USP31: variants seen among roughly 807,000 people sequenced by gnomAD.
USP31 encodes ubiquitin specific peptidase 31.
USP31 carries 44 observed loss-of-function variants against 119.4 expected under a neutral mutation model. The observed-to-expected ratio is 0.37, with a 90% CI of 0.29 to 0.47. The LOEUF (loss-of-function observed/expected upper bound fraction) is 0.47, where lower values mean the gene tolerates loss of function less well. Among genes scored for constraint, USP31 ranks in the 20% least tolerant of loss-of-function variants. The probability of loss-of-function intolerance (pLI) is 0.99; values close to 1 mark genes in which losing one functional copy is unlikely to be tolerated. For synonymous variants in USP31, 749 were observed against 705.6 expected (o/e 1.06, Z -0.97); for missense variants, 1,643 against 1,730.2 (o/e 0.95, Z 0.89).
At chr16:23,089,447 C>G (rs1470720242) in intron 7 of USP31, among the ~76,000 whole-genome samples, 1 of 152,194 alleles carries the variant, frequency 6.6e-6, no homozygotes, top group East Asian at 1.9e-4. Context: ...ACAGACCTTG[C>G]CTGTCTTGTT....
chr16:23,093,283 G>A (rs564812222), intron 6 of USP31, among the ~76,000 whole-genome samples: 16 of 152,178 alleles, frequency 1.1e-4, no homozygotes, highest in African/African-American at 3.6e-4. Flanking sequence ...TCCCATAAGG[G>A]TCTAGTATTA....
rs1596676063 is a variant in USP31, at chr16:23,066,306, G to A, written c.*1740C>T. ...TCTAAAATTCCAGCTACCCTCAACA[G>A]TAAGTGGTCTCCAGACTTGCAAGTT... On this transcript the variant is annotated 3_prime_UTR_variant, in exon 16 of 16. Coordinates refer to ENST00000219689, the MANE Select transcript of USP31 (RefSeq NM_020718.4). 1 of 152,582 alleles carries A rather than the reference G, an allele frequency of 6.6e-6. No homozygotes were observed. The highest frequency in any genetic ancestry group is 1.9e-4 in the East Asian group (1 of 5,196). The allele number at this position is 152,582 out of a possible 1,614,324, so 9.5% of individuals were successfully genotyped here.
At chr16:23,118,579 A>C (rs1304989014) in intron 1 of USP31, among the ~76,000 whole-genome samples, 1 of 152,222 alleles carries the variant, frequency 6.6e-6, no homozygotes, top group Non-Finnish European at 1.5e-5. Flanking sequence ...CTCCTTTGTC[A>C]TAAGTGCATT....
intron 9 of USP31, among the ~76,000 whole-genome samples, chr16:23,086,086 A>C (rs1442634563): frequency 6.6e-6 from 1 of 151,982 alleles, no homozygotes; most frequent in Non-Finnish European, 1.5e-5. Context: ...CCTGCTCTAG[A>C]CTGCACCCTT....
rs1902174424 is a variant in USP31 at position 23,107,942 on chromosome 16, C to T, written c.771+104G>A. 6 of 1,374,542 alleles carry T rather than the reference C, an allele frequency of 4.4e-6. No individual in the cohort carries two copies. The African/African-American group carries it at 5.9e-5, about 13-fold the overall frequency. 85.1% of individuals were successfully genotyped at this position (1,374,542 alleles called of 1,614,324 possible). A position where few individuals can be genotyped will look rare whatever the true frequency, so the allele number is the denominator to read the frequency against. On this transcript the variant is annotated intron_variant, in intron 2 of 15. Coordinates refer to ENST00000219689, the MANE Select transcript of USP31 (RefSeq NM_020718.4). ...CACTGAATCTTATACTCACCCAGAG[C>T]TTAGTCAATTTCATTGTATTAACGC... is the stretch of plus-strand genomic sequence containing the variant.
At chr16:23,122,685 A>G (rs1490986752) in intron 1 of USP31, among the ~76,000 whole-genome samples, 1 of 152,216 alleles carries the variant, frequency 6.6e-6, no homozygotes, top group Non-Finnish European at 1.5e-5. Flanking sequence ...ATGCTAAGTG[A>G]AAGAAGCCAG....
intron 7 of USP31, among the ~76,000 whole-genome samples, chr16:23,088,428 A>C (rs1411187575): frequency 6.6e-6 from 1 of 152,214 alleles, no homozygotes; most frequent in African/African-American, 2.4e-5. Flanking sequence ...TGATGAAATC[A>C]GTCTGGAATA....
intron 1 of USP31, among the ~76,000 whole-genome samples, chr16:23,135,705 T>C (rs2141899556): frequency 6.6e-6 from 1 of 152,278 alleles, no homozygotes; most frequent in African/African-American, 2.4e-5. Context: ...TGGAAAGACA[T>C]CCCATCTTCA....
At chr16:23,124,904 TA>T (rs558356789) in intron 1 of USP31, among the ~76,000 whole-genome samples, 8 of 151,044 alleles carry the variant, frequency 5.3e-5, no homozygotes, top group Admixed American at 2.6e-4. Flanking sequence ...AATAAGAAAA[TA>T]AAAAAAACCC....
At position 23,065,837 on chromosome 16, in the gene USP31, C is replaced by G. The variant is rs1900044261; in HGVS notation, c.*2209G>C. ...GCAAAAAAGAAGTGTTATTAAAAAC[C>G]TTTGTCTAATCAAACTATAATTGTT... On this transcript the variant is annotated 3_prime_UTR_variant, in exon 16 of 16. Transcript: ENST00000219689. 6.6e-6 allele frequency: 1 copy of G among 152,034 alleles called. No individual in the cohort carries two copies. Among genetic ancestry groups the G allele is most frequent in the African/African-American group, 2.4e-5 (1 of 41,378 alleles). The allele number at this position is 152,034 out of a possible 1,614,324, so 9.4% of individuals were successfully genotyped here. A position where few individuals can be genotyped will look rare whatever the true frequency, so the allele number is the denominator to read the frequency against.
At position 23,145,015 on chromosome 16, in the gene USP31, C is replaced by T. The variant is rs151292929; in HGVS notation, c.633+3623G>A. 9.2e-3 allele frequency among the ~76,000 whole-genome samples: 1,400 copies of T among 152,228 alleles called. 16 individuals are homozygous for T. The highest frequency in any genetic ancestry group is 0.029 in the African/African-American group (1,212 of 41,526). On this transcript the variant is annotated intron_variant, in intron 1 of 15. Coordinates refer to ENST00000219689, the MANE Select transcript of USP31 (RefSeq NM_020718.4). ...GAAGCCCTTCACAGTGAGTTTCCAA[C>T]ACTCTTCTCCCAGGCTTCCTGCACC...
chr16:23,070,916 A>T (rs536131796), intron 15 of USP31, among the ~76,000 whole-genome samples: 2 of 152,336 alleles, frequency 1.3e-5, no homozygotes, highest in African/African-American at 4.8e-5. Flanking sequence ...GATGATGCTT[A>T]AAAGGATACT....
At chr16:23,138,392 C>T (rs1029125058) in intron 1 of USP31, among the ~76,000 whole-genome samples, 6 of 152,180 alleles carry the variant, frequency 3.9e-5, no homozygotes, top group African/African-American at 1.4e-4. Flanking sequence ...GGCTAAGATA[C>T]ATACTGTTTG....
At chr16:23,074,611 C>A (rs1325539861) in intron 13 of USP31, among the ~76,000 whole-genome samples, 2 of 152,184 alleles carry the variant, frequency 1.3e-5, no homozygotes, top group East Asian at 3.9e-4. Context: ...CCTTGGCTTG[C>A]ACTTGAAGCC....
At chr16:23,107,483 T>C (rs1902156189) in intron 2 of USP31, among the ~76,000 whole-genome samples, 1 of 152,224 alleles carries the variant, frequency 6.6e-6, no homozygotes, top group African/African-American at 2.4e-5. Flanking sequence ...AGAAGAATTA[T>C]CAAAAACTTT....
chr16:23,138,068 T>C (rs953773692), intron 1 of USP31, among the ~76,000 whole-genome samples: 1 of 152,194 alleles, frequency 6.6e-6, no homozygotes, highest in Non-Finnish European at 1.5e-5. Flanking sequence ...AGTAAGAGCA[T>C]GTATGTCACA....
intron 11 of USP31, among the ~76,000 whole-genome samples, chr16:23,083,475 T>TAAA (rs1268567248): frequency 6.6e-6 from 1 of 151,930 alleles, no homozygotes. Flanking sequence ...GAGCCCCTGT[T>TAAA]AAAAGGTATC....
chr16:23,110,386 A>G (rs1238166190), intron 1 of USP31, among the ~76,000 whole-genome samples: 1 of 152,216 alleles, frequency 6.6e-6, no homozygotes, highest in Non-Finnish European at 1.5e-5. Context: ...CAGGGATTCA[A>G]GGCTGAGGAA....
intron 5 of USP31, 34 bp downstream of exon 5, chr16:23,105,407 G>A: frequency 1.3e-6 from 2 of 1,530,730 alleles, no homozygotes; most frequent in Non-Finnish European, 8.8e-7. Flanking sequence ...TACTTTTGTG[G>A]CTCATGTGTA....
Sources: allele counts gnomAD v4.1 joint callset (sites outside exome capture counted in the v4.1 genomes callset), GRCh38; gene constraint gnomAD v4.1.1; transcripts MANE v1.5; gene names NCBI Gene and HGNC (gene_info 2026-07-23, HGNC 2026-07-21).